SLC25A42: variants seen among roughly 807,000 people sequenced by gnomAD.
SLC25A42 encodes the protein solute carrier family 25 member 42, also known as mitochondrial coenzyme A transporter SLC25A42.
In SLC25A42, 19 loss-of-function variants were observed where a neutral mutation model predicts 34.7. That is an observed-to-expected ratio of 0.55 (90% CI 0.38 to 0.80). The LOEUF is 0.80. Ranked by LOEUF, SLC25A42 falls within the 30% of genes least tolerant of loss-of-function variation. The pLI, the probability that SLC25A42 is intolerant of heterozygous loss-of-function variation, is 0.00. For missense variants in SLC25A42, 364 were observed against 441.3 expected (o/e 0.82, Z 1.57); for synonymous variants, 205 against 191.2 (o/e 1.07, Z -0.59).
intron 1 of SLC25A42, among the ~76,000 whole-genome samples, chr19:19,070,103 C>A (rs2059621192): frequency 6.6e-6 from 1 of 151,974 alleles, no homozygotes; most frequent in Admixed American, 6.6e-5. Flanking sequence ...ACACCATTCT[C>A]CTGCCTCAGC....
chr19:19,095,006 C>T (rs896447520), intron 1 of SLC25A42, among the ~76,000 whole-genome samples: 2 of 151,826 alleles, frequency 1.3e-5, no homozygotes, highest in Non-Finnish European at 2.9e-5. Flanking sequence ...ACCAGCCTGG[C>T]CAACATGGCA....
chr19:19,103,842 G>A (rs2059811293), intron 3 of SLC25A42, among the ~76,000 whole-genome samples: 1 of 152,148 alleles, frequency 6.6e-6, no homozygotes, highest in South Asian at 2.1e-4. Flanking sequence ...TCCTTGGCTG[G>A]CATGGGCATC....
At chr19:19,097,451 G>C (rs1160855708) in intron 2 of SLC25A42, among the ~76,000 whole-genome samples, 1 of 152,204 alleles carries the variant, frequency 6.6e-6, no homozygotes, top group South Asian at 2.1e-4. Context: ...GAGAGGAGGG[G>C]GTCTGCAACG....
chr19:19,069,918 C>T (rs2059620448), intron 1 of SLC25A42, among the ~76,000 whole-genome samples: 1 of 152,034 alleles, frequency 6.6e-6, no homozygotes, highest in South Asian at 2.1e-4. Context: ...CTCTGCCTCC[C>T]AGGTTCAAGC....
chr19:19,064,694 G>A (rs578022591), intron 1 of SLC25A42, among the ~76,000 whole-genome samples: 59 of 147,646 alleles, frequency 4.0e-4, no homozygotes, highest in Non-Finnish European at 7.8e-4. Context: ...CCTCTGCCCT[G>A]GCAGCCCCAC....
chr19:19,075,813 C>T (rs560332332), intron 1 of SLC25A42, among the ~76,000 whole-genome samples: 9 of 152,214 alleles, frequency 5.9e-5, no homozygotes, highest in Non-Finnish European at 1.2e-4. Context: ...TGGCCTTGCT[C>T]TGCCCTCTAA....
chr19:19,107,135 T>G (rs762999338), intron 6 of SLC25A42, among the ~76,000 whole-genome samples: 1 of 151,364 alleles, frequency 6.6e-6, no homozygotes, highest in Non-Finnish European at 1.5e-5. Context: ...CTGGGCAACA[T>G]AGCAAGACCC....
At chr19:19,074,215 G>T (rs999443629) in intron 1 of SLC25A42, among the ~76,000 whole-genome samples, 1 of 152,178 alleles carries the variant, frequency 6.6e-6, no homozygotes, top group African/African-American at 2.4e-5. Flanking sequence ...CATAGAGACC[G>T]CAACAAGGGT....
intron 1 of SLC25A42, among the ~76,000 whole-genome samples, chr19:19,079,480 T>C (rs1304649744): frequency 2.0e-5 from 3 of 152,152 alleles, no homozygotes; most frequent in Non-Finnish European, 4.4e-5. Context: ...GATTTACCTG[T>C]TCTGGGCATT....
At chr19:19,088,139 C>T (rs530961117) in intron 1 of SLC25A42, among the ~76,000 whole-genome samples, 1 of 152,048 alleles carries the variant, frequency 6.6e-6, no homozygotes, top group East Asian at 1.9e-4. Flanking sequence ...CTGCCTCTTA[C>T]CAGGAGTTTC....
At chr19:19,105,760 C>CCCCGCCCACG (rs2145923416) in intron 5 of SLC25A42, 33 bp downstream of exon 5, 2 of 1,486,394 alleles carry the variant, frequency 1.3e-6, no homozygotes, top group Non-Finnish European at 1.8e-6. Flanking sequence ...CACAGAATCG[C>CCCCGCCCACG]CCCGCCCACG....
At chr19:19,103,919 TA>T (rs1406877700) in intron 3 of SLC25A42, among the ~76,000 whole-genome samples, 1 of 109,928 alleles carries the variant, frequency 9.1e-6, no homozygotes, top group East Asian at 3.0e-4. Context: ...TTTATTTATT[TA>T]TTTAGAGACA....
intron 1 of SLC25A42, among the ~76,000 whole-genome samples, chr19:19,089,960 C>G (rs2059729597): frequency 6.6e-6 from 1 of 152,218 alleles, no homozygotes; most frequent in Non-Finnish European, 1.5e-5. Context: ...CACTGGGGGT[C>G]CCTGGAGGGA....
chr19:19,090,076 C>T (rs2059730235), intron 1 of SLC25A42, among the ~76,000 whole-genome samples: 1 of 152,148 alleles, frequency 6.6e-6, no homozygotes, highest in Non-Finnish European at 1.5e-5. Context: ...CCCACCTTGG[C>T]CTGCAGATCC....
rs144164672 is a variant in SLC25A42 at position 19,085,880 on chromosome 19, G to A, written c.-34-10211G>A. Among the ~76,000 whole-genome samples, 1,190 of 152,294 alleles carry A rather than the reference G, an allele frequency of 7.8e-3. 12 individuals carry two copies. Among genetic ancestry groups the A allele is most frequent in the African/African-American group, 0.028 (1,150 of 41,564 alleles). On this transcript the variant is annotated intron_variant, in intron 1 of 7. Coordinates refer to ENST00000318596, the MANE Select transcript of SLC25A42 (RefSeq NM_178526.5). ...GGAGGGGGCCAGCCAGGGTCAGGGT[G>A]CACTCTGCTGAGAAGGGCAATGGGT...
rs749095738 is a variant in SLC25A42 at position 19,096,204 on chromosome 19, A to C, written c.80A>C (p.Lys27Thr). The stretch of plus-strand genomic sequence containing the variant: ...GTCCTGTCCTCGTCCGTCTCATCAA[A>C]GGCAAGTACCCCGGCCTCCTGGGAT... ...EAVLSSSVSS[K>T]RDHRQVLSSL... is the part of the protein sequence containing the mutation. Residue 27 changes from lysine (K) to threonine (T), a missense_variant and splice_region_variant, in exon 2 of 8, where the codon AAG (lysine) becomes ACG (threonine). Transcript: ENST00000318596. The C allele has an allele frequency of 5.3e-5, 85 of 1,609,000 alleles. No homozygotes were observed. Among genetic ancestry groups the C allele is most frequent in the Non-Finnish European group, 7.0e-5 (83 of 1,177,376 alleles).
chr19:19,095,719 G>A lies in SLC25A42; in HGVS notation c.-34-372G>A, dbSNP rs114614491. Among the ~76,000 whole-genome samples, 1,201 of 152,296 alleles carry A rather than the reference G, an allele frequency of 7.9e-3. 12 individuals are homozygous for A. The highest frequency in any genetic ancestry group is 0.028 in the African/African-American group (1,153 of 41,556). On this transcript the variant is annotated intron_variant, in intron 1 of 7. Coordinates refer to ENST00000318596, the MANE Select transcript of SLC25A42 (RefSeq NM_178526.5). ...TTGGCCTGACAGTGGTATTGGCACC[G>A]AGCACCTCGGTGCCCACTGGATGTT...
chr19:19,096,997 A>T (rs1293767821), intron 2 of SLC25A42, among the ~76,000 whole-genome samples: 3 of 152,084 alleles, frequency 2.0e-5, no homozygotes, highest in Non-Finnish European at 2.9e-5. Context: ...CTTGGTCTTT[A>T]CTCTGCATTT....
chr19:19,102,009 T>G, intron 3 of SLC25A42, 123 bp downstream of exon 3: 1 of 687,552 alleles, frequency 1.5e-6, no homozygotes, highest in Non-Finnish European at 2.4e-6. Context: ...ATAAGGTTTT[T>G]TGTTGTTTTT....
Sources: gnomAD v4.1 joint callset for allele counts (sites outside exome capture counted in the v4.1 genomes callset) on GRCh38, gnomAD v4.1.1 for gene constraint, MANE v1.5 for transcripts, NCBI Gene and HGNC (gene_info 2026-07-23, HGNC 2026-07-21) for gene names.